KDM3B: variants seen among roughly 807,000 people sequenced by gnomAD.
KDM3B encodes the protein lysine-specific demethylase 3B.
Under a neutral mutation model 170.0 loss-of-function variants are expected in KDM3B, and 10 were observed. The ratio of observed to expected loss-of-function variants is 0.06; its 90% CI spans 0.04 to 0.10. The LOEUF (loss-of-function observed/expected upper bound fraction) is 0.10. Among genes scored for constraint, KDM3B ranks in the 10% least tolerant of loss-of-function variants. KDM3B has a pLI of 1.00. For synonymous variants in KDM3B, 831 were observed against 834.8 expected (o/e 1.00, Z 0.08); for missense variants, 1,394 against 2,195.2 (o/e 0.64, Z 7.29).
rs778689904 is a variant in KDM3B, at chr5:138,391,685, T to A, written c.2053T>A (p.Ser685Thr). The change falls in exon 8 of 24, where the codon TCT becomes ACT. Residue 685 changes from serine to threonine, a missense_variant. By Grantham distance (58) the Ser-to-Thr change is moderately conservative. Transcript: ENST00000314358. This position sits in a 1 kb window ranked among gnomAD's most constrained non-coding sequence, Gnocchi z 5.0. ...PESHSSADSA[S>T]LAKKKPLFIT... ...GTCTCACTCCTCTGCAGATTCGGCA[T>A]CTTTAGCAAAGAAGAAACCCCTCTT... 10 of 1,614,070 alleles carry A rather than the reference T, an allele frequency of 6.2e-6. No homozygotes were observed. Among genetic ancestry groups the A allele is most frequent in the Non-Finnish European group, 8.5e-6 (10 of 1,180,034 alleles).
chr5:138,365,033 C>T (rs1375640130), intron 1 of KDM3B, among the ~76,000 whole-genome samples: 1 of 152,122 alleles, frequency 6.6e-6, no homozygotes, highest in East Asian at 1.9e-4. Context: ...CAGAGATATT[C>T]AACTCATGCA....
intron 4 of KDM3B, among the ~76,000 whole-genome samples, chr5:138,379,178 C>G (rs760816979): frequency 6.6e-6 from 1 of 152,152 alleles, no homozygotes; most frequent in Non-Finnish European, 1.5e-5. Context: ...ACAGCACTTT[C>G]AACTTAGTGG....
chr5:138,364,708 C>T (rs923269494), intron 1 of KDM3B, among the ~76,000 whole-genome samples: 6 of 152,122 alleles, frequency 3.9e-5, no homozygotes, highest in Admixed American at 2.6e-4. Context: ...AATCCTAAGG[C>T]AATCCTTTGA....
At chr5:138,389,747 C>T (rs578091866) in intron 7 of KDM3B, among the ~76,000 whole-genome samples, 27 of 150,612 alleles carry the variant, frequency 1.8e-4, no homozygotes, top group Admixed American at 9.3e-4. Context: ...GGGCTCATAC[C>T]TACCTATGGG....
intron 10 of KDM3B, among the ~76,000 whole-genome samples, chr5:138,399,514 G>A (rs1762628987): frequency 2.6e-5 from 4 of 151,798 alleles, no homozygotes; most frequent in Admixed American, 2.6e-4. Flanking sequence ...CTCCAGCCTG[G>A]ATGACAAAGC....
At chr5:138,354,618 TA>T (rs1262603481) in intron 1 of KDM3B, among the ~76,000 whole-genome samples, 7 of 152,208 alleles carry the variant, frequency 4.6e-5, no homozygotes, top group Non-Finnish European at 7.3e-5. Flanking sequence ...CTGTGCTCCC[TA>T]AGGGCAGAGG....
At chr5:138,406,922 A>G (rs918524411) in intron 11 of KDM3B, among the ~76,000 whole-genome samples, 5 of 152,118 alleles carry the variant, frequency 3.3e-5, no homozygotes, top group Middle Eastern at 3.4e-3. Context: ...GAGGACCTCA[A>G]TGCAGATCTT....
At position 138,386,635 on chromosome 5, in the gene KDM3B, G is replaced by C; in HGVS notation, c.1380+14G>C. On this transcript the variant is annotated intron_variant, in intron 7 of 23. Coordinates refer to ENST00000314358, the MANE Select transcript of KDM3B (RefSeq NM_016604.4). ...GCCTCGGGAGAGGTGAGTTACTTCA[G>C]GGGCAGATTTGCAAGATTTGGGTTT... is the stretch of plus-strand genomic sequence containing the variant. 6.3e-7 allele frequency: 1 copy of C among 1,599,300 alleles called. No homozygotes were observed. Among genetic ancestry groups the C allele is most frequent in the South Asian group, 1.1e-5 (1 of 90,260 alleles).
chr5:138,419,710 C>CAT (rs1250523114), intron 14 of KDM3B, among the ~76,000 whole-genome samples: 4 of 103,504 alleles, frequency 3.9e-5, no homozygotes, highest in Admixed American at 1.0e-4. Context: ...TACACACACA[C>CAT]ATATATATAC....
At chr5:138,376,320 T>C (rs2126927313) in intron 3 of KDM3B, among the ~76,000 whole-genome samples, 1 of 152,252 alleles carries the variant, frequency 6.6e-6, no homozygotes, top group Middle Eastern at 3.4e-3. Context: ...TGCAAAGTAC[T>C]TTTGGTGGCT....
At chr5:138,409,770 A>G (rs563910957) in intron 11 of KDM3B, among the ~76,000 whole-genome samples, 1 of 152,324 alleles carries the variant, frequency 6.6e-6, no homozygotes, top group South Asian at 2.1e-4. Flanking sequence ...AATTGTTAAA[A>G]GATAAAGAAA....
chr5:138,354,843 G>A (rs1426600834), intron 1 of KDM3B, among the ~76,000 whole-genome samples: 1 of 152,172 alleles, frequency 6.6e-6, no homozygotes, highest in Non-Finnish European at 1.5e-5. Flanking sequence ...ATACATTTAT[G>A]CTTGTCTTAC....
At chr5:138,421,184 G>A (rs1386349415) in intron 15 of KDM3B, among the ~76,000 whole-genome samples, 1 of 152,224 alleles carries the variant, frequency 6.6e-6, no homozygotes, top group African/African-American at 2.4e-5. Flanking sequence ...TCGGTCATCA[G>A]CAGAAAAGTT....
intron 23 of KDM3B, 74 bp from the exon 24 acceptor site, chr5:138,435,546 A>T: frequency 1.7e-6 from 2 of 1,177,414 alleles, no homozygotes; most frequent in African/African-American, 1.5e-5. Flanking sequence ...CTAAACCAGT[A>T]GGCTTACAGT....
Position 138,391,028 on chromosome 5 carries a change from A to G in KDM3B, c.1396A>G (p.Ile466Val), listed in dbSNP as rs1762412705. The change falls in exon 8 of 24, where the codon ATT becomes GTT. Residue 466 changes from isoleucine (I) to valine (V), a missense_variant. By Grantham distance (29) the Ile-to-Val change is conservative. Around this residue, in one of 19 missense-constraint regions of KDM3B, gnomAD observed 205 missense variants for 227.6 expected, o/e 0.90. Transcript: ENST00000314358. The surrounding 1 kb of genome is among the most constrained non-coding windows in gnomAD (Gnocchi z 5.0). ...QASGENSRNS[I>V]LASSGFGAPL... ...TTCCTTTCAGAATTCAAGAAATTCTATTCTGGCCTCTTCTGGATTTGGAGC... is the reference window on the plus strand; with the variant it reads ...TTCCTTTCAGAATTCAAGAAATTCTGTTCTGGCCTCTTCTGGATTTGGAGC... 1.9e-6 allele frequency: 3 copies of G among 1,569,102 alleles called. No individual in the cohort carries two copies. Among genetic ancestry groups the G allele is most frequent in the Middle Eastern group, 1.7e-4 (1 of 5,824 alleles).
chr5:138,419,695 A>T (rs1336114537), intron 14 of KDM3B, among the ~76,000 whole-genome samples: 1 of 135,324 alleles, frequency 7.4e-6, no homozygotes, highest in Admixed American at 7.7e-5. Context: ...ATATACATAT[A>T]TATATACACA....
rs780905549 is a variant in KDM3B, at chr5:138,432,051, C to T, written c.5205+492C>T. 2.0e-5 allele frequency among the ~76,000 whole-genome samples: 3 copies of T among 152,198 alleles called. 1 individual carries two copies. Among genetic ancestry groups the T allele is most frequent in the Non-Finnish European group, 2.9e-5 (2 of 68,032 alleles). On this transcript the variant is annotated intron_variant, in intron 23 of 23. Coordinates refer to ENST00000314358, the MANE Select transcript of KDM3B (RefSeq NM_016604.4). ...AAGTACTGGGAATACAGGTGTGAGC[C>T]ACTGCTTAACCTAATCATTTCTGTT...
At chr5:138,397,191 T>C (rs1199246845) in intron 9 of KDM3B, among the ~76,000 whole-genome samples, 1 of 151,832 alleles carries the variant, frequency 6.6e-6, no homozygotes, top group African/African-American at 2.4e-5. Flanking sequence ...CAAAATCAGC[T>C]GGGCGTGGTG....
Position 138,392,279 on chromosome 5 carries a change from A to G in KDM3B, c.2629+18A>G, listed in dbSNP as rs554899116. 2.2e-5 allele frequency: 32 copies of G among 1,469,158 alleles called. No individual in the cohort carries two copies. In the East Asian group the frequency reaches 3.0e-4, roughly 14 times the overall value. 91.0% of individuals were successfully genotyped at this position (1,469,158 alleles called of 1,614,324 possible). A position where few individuals can be genotyped will look rare whatever the true frequency, so the allele number is the denominator to read the frequency against. On this transcript the variant is annotated intron_variant, in intron 8 of 23. Coordinates refer to ENST00000314358, the MANE Select transcript of KDM3B (RefSeq NM_016604.4). ...CCTGAAAGGTGATCCTGCTGGGGCT[A>G]TATTTGGGCTTTGCTCTGGCACTGG... is the stretch of plus-strand genomic sequence containing the variant.
Sources: gnomAD v4.1 joint callset for allele counts (sites outside exome capture counted in the v4.1 genomes callset) on GRCh38, gnomAD v4.1.1 for gene constraint, gnomAD v4.1.1 regional missense constraint, Gnocchi (gnomAD v3.1) non-coding constraint, MANE v1.5 for transcripts, NCBI Gene and HGNC (gene_info 2026-07-23, HGNC 2026-07-21) for gene names.